RSRP1: variants seen among roughly 807,000 people sequenced by gnomAD.
RSRP1 encodes arginine/serine-rich protein 1.
Under a neutral mutation model 33.0 loss-of-function variants are expected in RSRP1, and 37 were observed. The ratio of observed to expected loss-of-function variants is 1.12; its 90% CI spans 0.86 to 1.48. The LOEUF (loss-of-function observed/expected upper bound fraction) is 1.48, where lower values mean the gene tolerates loss of function less well. Ranked by LOEUF, RSRP1 falls within the 40% of genes most tolerant of loss-of-function variation. The pLI is 0.00. For missense variants in RSRP1, 402 were observed against 385.3 expected, an observed-to-expected ratio of 1.04 and a Z score of -0.36; for synonymous variants, 167 against 158.7, an observed-to-expected ratio of 1.05 and a Z score of -0.40.
intron 1 of RSRP1, among the ~76,000 whole-genome samples, chr1:25,281,504 C>G (rs1641486685): frequency 7.6e-6 from 1 of 132,186 alleles, no homozygotes; most frequent in East Asian, 2.0e-4. Context: ...ATTTGCATAT[C>G]TGAAGTGGGG....
chr1:25,299,552 A>G (rs1409818646), intron 1 of RSRP1, among the ~76,000 whole-genome samples: 1 of 129,810 alleles, frequency 7.7e-6, no homozygotes, highest in Non-Finnish European at 1.8e-5. Context: ...CATTTCAGGC[A>G]GCTGAATGAC....
chr1:25,247,644 A>T (rs1639594714), upstream of RSRP1: 1 of 151,866 alleles, frequency 6.6e-6, no homozygotes, highest in South Asian at 2.1e-4. Flanking sequence ...CTCCAGGGGG[A>T]GGTGTTTGAT....
chr1:25,264,003 C>T (rs1640239482), intron 1 of RSRP1, among the ~76,000 whole-genome samples: 1 of 152,130 alleles, frequency 6.6e-6, no homozygotes, highest in African/African-American at 2.4e-5. Flanking sequence ...CCACATCTCA[C>T]ATCCAGGTCA....
intron 1 of RSRP1, among the ~76,000 whole-genome samples, chr1:25,255,099 T>C (rs1011067717): frequency 1.8e-4 from 28 of 152,198 alleles, no homozygotes; most frequent in African/African-American, 6.8e-4. Context: ...ATATATGGAT[T>C]ATGTTACACA....
chr1:25,264,029 T>G (rs1436963805), intron 1 of RSRP1, among the ~76,000 whole-genome samples: 1 of 152,026 alleles, frequency 6.6e-6, no homozygotes, highest in Non-Finnish European at 1.5e-5. Context: ...ATGGAAGGGG[T>G]GGGTTCCCAT....
rs1362519472 is a variant in RSRP1 at position 25,315,893 on chromosome 1, T to A, written c.-67+22085A>T. On this transcript the variant is annotated intron_variant, in intron 1 of 1. Coordinates refer to the RSRP1 transcript ENST00000561867. ...GACTGTCATTATTTCTCCCACTTTA[T>A]AATGAACAATCAGTAAAGACAGGGA... 1.1e-4 allele frequency among the ~76,000 whole-genome samples: 14 copies of A among 131,764 alleles called. 6 individuals are homozygous for A. The highest frequency in any genetic ancestry group is 2.1e-4 in the Non-Finnish European group (12 of 55,852). The allele number at this position is 131,764 out of a possible 152,430, so 86.4% of individuals were successfully genotyped here.
chr1:25,301,556 A>G lies in RSRP1; in HGVS notation c.-67+36422T>C, dbSNP rs756129923. 2.2e-6 allele frequency: 3 copies of G among 1,378,768 alleles called. 1 individual carries two copies. The highest frequency in any genetic ancestry group is 1.4e-5 in the African/African-American group (1 of 70,166). The allele number at this position is 1,378,768 out of a possible 1,614,324, so 85.4% of individuals were successfully genotyped here. On this transcript the variant is annotated intron_variant, in intron 1 of 1. Coordinates refer to the RSRP1 transcript ENST00000561867. ...TTGTGGATGTTCTGGCCAAGTTTCA[A>G]CTCTGCTCTGCTGAGAAGTCCAATC...
intron 1 of RSRP1, among the ~76,000 whole-genome samples, chr1:25,277,036 C>T (rs1160716562): frequency 7.6e-6 from 1 of 131,844 alleles, no homozygotes; most frequent in Non-Finnish European, 1.8e-5. Context: ...CACTGCACTC[C>T]AGCCTGGGCA....
At chr1:25,246,341 A>G (rs1639389613) in intron 2 of RSRP1, 103 bp downstream of exon 2, 2 of 1,508,088 alleles carry the variant, frequency 1.3e-6, no homozygotes, top group African/African-American at 1.4e-5. Flanking sequence ...TTCGGGCACT[A>G]AAGGAACTAA....
Position 25,246,720 on chromosome 1 carries a change from A to T in RSRP1, c.244T>A (p.Ser82Thr). Reference sequence around the variant, plus strand: ...CTGCGGGATCGCGACCGGCTCCGCGAGTATGACCGCGAGTAGCGCCTGTAC... The same window carrying T: ...CTGCGGGATCGCGACCGGCTCCGCGTGTATGACCGCGAGTAGCGCCTGTAC... Reference protein sequence around the residue: ...RKYRRYSRSYSRSRSRSRSRR... With the variant: ...RKYRRYSRSYTRSRSRSRSRR... Residue 82 changes from serine to threonine, a missense_variant, in exon 2 of 5, where the codon TCG becomes ACG. By Grantham distance (58) the Ser-to-Thr change is moderately conservative. Transcript: ENST00000243189. 1 of 1,607,516 alleles carries T rather than the reference A, an allele frequency of 6.2e-7. No individual in the cohort carries two copies. The highest frequency in any genetic ancestry group is 1.3e-5 in the African/African-American group (1 of 74,958).
At chr1:25,270,803 C>T (rs1296590858) in intron 1 of RSRP1, among the ~76,000 whole-genome samples, 1 of 131,794 alleles carries the variant, frequency 7.6e-6, no homozygotes, top group African/African-American at 2.6e-5. Flanking sequence ...ATCCCAGTGT[C>T]ATGAACTAAG....
intron 1 of RSRP1, among the ~76,000 whole-genome samples, chr1:25,302,660 T>G (rs557595853): frequency 1.5e-5 from 2 of 129,804 alleles, no homozygotes; most frequent in East Asian, 3.9e-4. Context: ...CCCAGCTTAT[T>G]GAAACTGGGC....
rs868619719 is a variant in RSRP1 at position 25,283,581 on chromosome 1, G to A, written c.-66-36552C>T. Among the ~76,000 whole-genome samples the A allele has an allele frequency of 9.1e-5, 12 of 132,236 alleles. 1 individual carries two copies. Among genetic ancestry groups the A allele is most frequent in the African/African-American group, 2.1e-4 (8 of 37,992 alleles). 86.8% of individuals were successfully genotyped at this position (132,236 alleles called of 152,430 possible). ...TACCCACCGGGGCAAGTTACGTAACGCCTCTGTGCCTTGGTTTTCATATCT... is the reference window on the plus strand; with the variant it reads ...TACCCACCGGGGCAAGTTACGTAACACCTCTGTGCCTTGGTTTTCATATCT... On this transcript the variant is annotated intron_variant, in intron 1 of 1. Transcript: ENST00000561867.
intron 1 of RSRP1, chr1:25,253,080 C>A (rs76404156): frequency 6.7e-6 from 1 of 149,438 alleles, no homozygotes; most frequent in Admixed American, 6.7e-5. Context: ...TAATATTTAA[C>A]TTTTACTCCA....
chr1:25,294,084 C>T, intron 1 of RSRP1: 1 of 674,400 alleles, frequency 1.5e-6, no homozygotes. Context: ...GTTATTTCTT[C>T]CTTATTGTGA....
rs1440166670 is a variant in RSRP1, at chr1:25,308,209, C to T, written c.-67+29769G>A. On this transcript the variant is annotated intron_variant, in intron 1 of 1. Coordinates refer to the RSRP1 transcript ENST00000561867. ...AGAAAATTCAAGATTGTTAGTAACA[C>T]TGTGTGGCTAAATTCTGCTTGTGGG... Among the ~76,000 whole-genome samples, 3 of 117,536 alleles carry T rather than the reference C, an allele frequency of 2.6e-5. 1 individual carries two copies. Among genetic ancestry groups the T allele is most frequent in the African/African-American group, 5.9e-5 (2 of 33,840 alleles). The allele number at this position is 117,536 out of a possible 152,430, so 77.1% of individuals were successfully genotyped here.
chr1:25,247,466 T>A (rs1403624866), upstream of RSRP1: 5 of 153,994 alleles, frequency 3.2e-5, no homozygotes, highest in African/African-American at 1.2e-4. Context: ...AGGGACTACG[T>A]TAGCAGACGC....
chr1:25,243,252 CTTATT>C, intron 4 of RSRP1, among the ~76,000 whole-genome samples: 1 of 152,218 alleles, frequency 6.6e-6, no homozygotes, highest in South Asian at 2.1e-4. Context: ...TTTTGAAACT[CTTATT>C]TTAAAACATT....
At position 25,295,674 on chromosome 1, in the gene RSRP1, G is replaced by A. The variant is rs1642872622; in HGVS notation, c.-67+42304C>T. Among the ~76,000 whole-genome samples the A allele has an allele frequency of 1.9e-5, 2 of 106,652 alleles. 1 individual carries two copies. Among genetic ancestry groups the A allele is most frequent in the South Asian group, 5.5e-4 (2 of 3,650 alleles). 70.0% of individuals were successfully genotyped at this position (106,652 alleles called of 152,430 possible). A position where few individuals can be genotyped will look rare whatever the true frequency, so the allele number is the denominator to read the frequency against. ...AGTTGGGTGGACTAAGATCATTTGT[G>A]GAAGAATGATGGAGAGAAAGGCTGA... On this transcript the variant is annotated intron_variant, in intron 1 of 1. Transcript: ENST00000561867.
Sources: allele counts gnomAD v4.1 joint callset (sites outside exome capture counted in the v4.1 genomes callset), GRCh38; gene constraint gnomAD v4.1.1; transcripts MANE v1.5; gene names NCBI Gene and HGNC (gene_info 2026-07-23, HGNC 2026-07-21).